CCT6B: variants seen among roughly 807,000 people sequenced by gnomAD.
CCT6B encodes probable T-complex protein 1 subunit zeta-2.
In CCT6B, 49 loss-of-function variants were observed where a neutral mutation model predicts 61.5. The observed-to-expected ratio is 0.80, with a 90% confidence interval of 0.63 to 1.01. CCT6B has a LOEUF of 1.01. Ranked by LOEUF, CCT6B falls within the 50% of genes least tolerant of loss-of-function variation. The probability of loss-of-function intolerance (pLI) is 0.00; values close to 1 mark genes in which losing one functional copy is unlikely to be tolerated. For synonymous variants in CCT6B, 228 were observed against 214.5 expected, an observed-to-expected ratio of 1.06 and a Z score of -0.55; for missense variants, 666 against 634.7, an observed-to-expected ratio of 1.05 and a Z score of -0.53.
At chr17:34,936,240 C>T (rs1047014476) in intron 10 of CCT6B, among the ~76,000 whole-genome samples, 15 of 152,128 alleles carry the variant, frequency 9.9e-5, no homozygotes, top group African/African-American at 2.9e-4. Flanking sequence ...TGAGCCACCA[C>T]GACCAGCCTG....
intron 4 of CCT6B, among the ~76,000 whole-genome samples, chr17:34,953,763 T>C (rs572517098): frequency 1.3e-5 from 2 of 152,120 alleles, no homozygotes; most frequent in African/African-American, 4.8e-5. Flanking sequence ...AGACAAGCTT[T>C]GGTAACATAG....
chr17:34,961,424 A>AT lies in CCT6B; in HGVS notation c.-32_-31insA. 1 of 1,567,208 alleles carries AT rather than the reference A, an allele frequency of 6.4e-7. No homozygotes were observed. Among genetic ancestry groups the AT allele is most frequent in the Non-Finnish European group, 8.6e-7 (1 of 1,163,044 alleles). ...AACCGTTCAGAGGGAGAAAAAAAAAAAGCCTTAGTCGCGATTCTGAGCAAA... is the reference window on the plus strand; with the variant it reads ...AACCGTTCAGAGGGAGAAAAAAAAAATAGCCTTAGTCGCGATTCTGAGCAAA... On this transcript the variant is annotated 5_prime_UTR_variant, in exon 1 of 14. Coordinates refer to ENST00000314144, the MANE Select transcript of CCT6B (RefSeq NM_006584.4).
intron 10 of CCT6B, 32 bp downstream of exon 10, chr17:34,939,151 G>A: frequency 1.3e-6 from 2 of 1,576,676 alleles, no homozygotes; most frequent in Non-Finnish European, 1.7e-6. Flanking sequence ...ACATATACAT[G>A]AGGTTCATAT....
intron 5 of CCT6B, among the ~76,000 whole-genome samples, chr17:34,950,225 A>G (rs931885672): frequency 2.6e-4 from 39 of 152,362 alleles, no homozygotes; most frequent in African/African-American, 8.9e-4. Context: ...GTACTTTGAG[A>G]AAAATTTAAG....
chr17:34,946,502 A>C (rs1194451565), intron 5 of CCT6B, among the ~76,000 whole-genome samples: 1 of 152,170 alleles, frequency 6.6e-6, no homozygotes, highest in Non-Finnish European at 1.5e-5. Flanking sequence ...ACCAAATAGA[A>C]CTTCTATAAA....
chr17:34,943,229 G>A lies in CCT6B; in HGVS notation c.615-323C>T, dbSNP rs566293052. 1.6e-3 allele frequency: 295 copies of A among 180,682 alleles called. 3 individuals carry two copies. The highest frequency in any genetic ancestry group is 2.9e-3 in the Non-Finnish European group (250 of 86,712). The allele number at this position is 180,682 out of a possible 1,614,324, so 11.2% of individuals were successfully genotyped here. A position where few individuals can be genotyped will look rare whatever the true frequency, so the allele number is the denominator to read the frequency against. ...ACATATAATTAGTAAAATTAGGAAA[G>A]AGAATCTACTTTAACACAGTGTGAC... On this transcript the variant is annotated intron_variant, in intron 5 of 13. Coordinates refer to ENST00000314144, the MANE Select transcript of CCT6B (RefSeq NM_006584.4).
intron 4 of CCT6B, among the ~76,000 whole-genome samples, chr17:34,954,159 C>A (rs901169588): frequency 6.6e-6 from 1 of 152,076 alleles, no homozygotes; most frequent in Non-Finnish European, 1.5e-5. Context: ...TCAAGAGCTT[C>A]CACAGGAGAT....
intron 1 of CCT6B, 151 bp from the exon 2 acceptor site, chr17:34,959,801 A>G: frequency 1.7e-6 from 1 of 586,506 alleles, no homozygotes; most frequent in Non-Finnish European, 3.1e-6. Context: ...TTTGCAGCTC[A>G]CAGAATCATT....
At chr17:34,942,424 C>T in intron 7 of CCT6B, 60 bp downstream of exon 7, 1 of 1,398,522 alleles carries the variant, frequency 7.2e-7, no homozygotes, top group Non-Finnish European at 9.8e-7. Flanking sequence ...CCACAGACCA[C>T]ACTTCAAGAA....
At chr17:34,931,622 A>C (rs2090037545) in intron 11 of CCT6B, among the ~76,000 whole-genome samples, 1 of 152,196 alleles carries the variant, frequency 6.6e-6, no homozygotes, top group Non-Finnish European at 1.5e-5. Context: ...TGGGGTTACC[A>C]ATTTCTGTCA....
chr17:34,958,722 A>G, intron 2 of CCT6B, 28 bp from the exon 3 acceptor site: 1 of 1,564,272 alleles, frequency 6.4e-7, no homozygotes, highest in Non-Finnish European at 8.7e-7. Flanking sequence ...CAGATTTAAA[A>G]AGACAGGATG....
chr17:34,946,500 G>A, intron 5 of CCT6B, among the ~76,000 whole-genome samples: 1 of 152,006 alleles, frequency 6.6e-6, no homozygotes, highest in East Asian at 1.9e-4. Flanking sequence ...GAACCAAATA[G>A]AACTTCTATA....
chr17:34,928,562 C>T (rs1333583852), intron 13 of CCT6B, among the ~76,000 whole-genome samples: 5 of 152,146 alleles, frequency 3.3e-5, no homozygotes, highest in African/African-American at 9.7e-5. Context: ...TGTGAGCCAC[C>T]GCACTGGCCC....
At chr17:34,954,024 T>C (rs888543840) in intron 4 of CCT6B, among the ~76,000 whole-genome samples, 2 of 152,180 alleles carry the variant, frequency 1.3e-5, no homozygotes, top group African/African-American at 2.4e-5. Flanking sequence ...TATATTAATA[T>C]ATCATATCAC....
chr17:34,928,948 T>G lies in CCT6B; in HGVS notation c.1523+14A>C, dbSNP rs2090001307. 1 of 1,410,428 alleles carries G rather than the reference T, an allele frequency of 7.1e-7. No homozygotes were observed. Among genetic ancestry groups the G allele is most frequent in the African/African-American group, 1.4e-5 (1 of 70,700 alleles). 87.4% of individuals were successfully genotyped at this position (1,410,428 alleles called of 1,614,324 possible). On this transcript the variant is annotated intron_variant, in intron 13 of 13. Transcript: ENST00000314144. Reference sequence around the variant, plus strand: ...ACTCTACAGGTCTTTCACTTTATGTTCATATGAACTTACCAAGAGTGAAGA... The same window carrying G: ...ACTCTACAGGTCTTTCACTTTATGTGCATATGAACTTACCAAGAGTGAAGA...
intron 4 of CCT6B, among the ~76,000 whole-genome samples, chr17:34,953,997 C>T (rs773975780): frequency 9.2e-5 from 14 of 152,136 alleles, no homozygotes; most frequent in Middle Eastern, 3.4e-3. Flanking sequence ...CATACATTTC[C>T]AATATGTGAA....
intron 5 of CCT6B, among the ~76,000 whole-genome samples, chr17:34,948,431 TG>T (rs1198105336): frequency 6.6e-6 from 1 of 151,880 alleles, no homozygotes; most frequent in Non-Finnish European, 1.5e-5. Flanking sequence ...AAAAGAAAAC[TG>T]GGCCGGGCAC....
At chr17:34,954,345 CTTGA>C (rs1363624520) in intron 4 of CCT6B, 77 bp downstream of exon 4, 3 of 1,104,618 alleles carry the variant, frequency 2.7e-6, no homozygotes, top group African/African-American at 1.6e-5. Context: ...ACATGAAATA[CTTGA>C]TTATCTTACA....
At chr17:34,942,945 C>T in intron 5 of CCT6B, 39 bp from the exon 6 acceptor site, 1 of 1,157,794 alleles carries the variant, frequency 8.6e-7, no homozygotes, top group Non-Finnish European at 1.2e-6. Context: ...TGAATATATA[C>T]TCTAAAATTT....
Sources: allele counts gnomAD v4.1 joint callset (sites outside exome capture counted in the v4.1 genomes callset), GRCh38; gene constraint gnomAD v4.1.1; transcripts MANE v1.5; gene names NCBI Gene and HGNC (gene_info 2026-07-23, HGNC 2026-07-21).